COG5: variants seen among roughly 807,000 people sequenced by gnomAD.
COG5 encodes component of oligomeric golgi complex 5.
COG5 carries 86 observed loss-of-function variants against 110.4 expected under a neutral mutation model. The ratio of observed to expected loss-of-function variants is 0.78; its 90% CI spans 0.65 to 0.93. COG5 has a LOEUF of 0.93. COG5 is among the 40% of genes least tolerant of loss of function. The pLI, the probability that COG5 is intolerant of heterozygous loss-of-function variation, is 0.00. For missense variants in COG5, 1,077 were observed against 987.0 expected (o/e 1.09, Z -1.22); for synonymous variants, 360 against 334.6 (o/e 1.08, Z -0.83).
In COG5 at chr7:107,292,909, A is replaced by G. The variant is rs149938257; in HGVS notation, c.1313+5233T>C. ...CATGTAGACATACAGCTTAGAAGGT[A>G]TATGAGCTCTGGAAAACTTTGTAAT... On this transcript the variant is annotated intron_variant, in intron 12 of 21. Coordinates refer to ENST00000297135, the MANE Select transcript of COG5 (RefSeq NM_006348.5). Among the ~76,000 whole-genome samples the G allele has an allele frequency of 1.8e-3, 279 of 152,320 alleles. 1 individual carries two copies. The highest frequency in any genetic ancestry group is 6.1e-3 in the African/African-American group (253 of 41,568).
intron 17 of COG5, among the ~76,000 whole-genome samples, chr7:107,241,483 C>T (rs1160169025): frequency 6.7e-6 from 1 of 150,244 alleles, no homozygotes; most frequent in Non-Finnish European, 1.5e-5. Context: ...TACAGAGTCT[C>T]ACTCTATCGC....
chr7:107,239,996 T>G (rs1187942891), intron 17 of COG5, among the ~76,000 whole-genome samples: 2 of 152,210 alleles, frequency 1.3e-5, no homozygotes, highest in Non-Finnish European at 2.9e-5. Flanking sequence ...ATCTATCACT[T>G]TAATAATGTA....
intron 6 of COG5, among the ~76,000 whole-genome samples, chr7:107,508,266 A>G (rs200591886): frequency 6.6e-6 from 1 of 152,158 alleles, no homozygotes; most frequent in South Asian, 2.1e-4. Flanking sequence ...CTATGCCCAC[A>G]GAGTCTCGCT....
intron 6 of COG5, among the ~76,000 whole-genome samples, chr7:107,433,100 G>T (rs913482139): frequency 2.0e-5 from 3 of 152,066 alleles, no homozygotes; most frequent in African/African-American, 4.8e-5. Flanking sequence ...ATCAAAAAGA[G>T]TAAGACACTT....
In COG5 at chr7:107,274,353, T is replaced by C. The variant is rs143255807; in HGVS notation, c.1575+6947A>G. 1.2e-3 allele frequency among the ~76,000 whole-genome samples: 177 copies of C among 152,294 alleles called. 2 individuals are homozygous for C. The highest frequency in any genetic ancestry group is 4.0e-3 in the African/African-American group (168 of 41,564). On this transcript the variant is annotated intron_variant, in intron 14 of 21. Coordinates refer to ENST00000297135, the MANE Select transcript of COG5 (RefSeq NM_006348.5). ...AAAGTTCATGAGCTCTCTTTTTTCA[T>C]TGTTGCATACTCTCAATTTGGCTTT...
At chr7:107,423,345 A>T (rs1055228364) in intron 6 of COG5, among the ~76,000 whole-genome samples, 1 of 152,240 alleles carries the variant, frequency 6.6e-6, no homozygotes, top group Non-Finnish European at 1.5e-5. Flanking sequence ...TCACAGACAT[A>T]TCATCGTGGA....
rs1412120315 is a variant in COG5, at chr7:107,294,198, TATTA to T, written c.1313+3940_1313+3943del. Reference sequence around the variant, plus strand: ...CAATTCACCAGTTTCAAAAGAAAAATATTAATTAAATACAATGCTTTGAAAAAAT... The same window carrying T: ...CAATTCACCAGTTTCAAAAGAAAAATATTAAATACAATGCTTTGAAAAAAT... On this transcript the variant is annotated intron_variant, in intron 12 of 21. Coordinates refer to ENST00000297135, the MANE Select transcript of COG5 (RefSeq NM_006348.5). Among the ~76,000 whole-genome samples the T allele has an allele frequency of 2.6e-5, 4 of 152,212 alleles. No individual in the cohort carries two copies. In the East Asian group the frequency reaches 5.8e-4, roughly 22 times the overall value.
Position 107,543,337 on chromosome 7 carries a change from G to A in COG5, c.417+4774C>T, listed in dbSNP as rs546778545. Among the ~76,000 whole-genome samples, 4 of 152,316 alleles carry A rather than the reference G, an allele frequency of 2.6e-5. No individual in the cohort carries two copies. In the South Asian group the frequency reaches 8.3e-4, roughly 32 times the overall value. On this transcript the variant is annotated intron_variant, in intron 5 of 21. Transcript: ENST00000297135. The stretch of plus-strand genomic sequence containing the variant: ...AGCAAGGAGACAGATGCTCGTTGAG[G>A]AGAGAAAAGAGAAGGAATTGAGCAC...
At chr7:107,441,255 C>CAAAAAAAA in intron 6 of COG5, among the ~76,000 whole-genome samples, 1 of 71,334 alleles carries the variant, frequency 1.4e-5, no homozygotes, top group Non-Finnish European at 2.6e-5. Context: ...GACTCCGTCT[C>CAAAAAAAA]AAAAAAAAAA....
chr7:107,274,638 C>T (rs1001693964), intron 14 of COG5, among the ~76,000 whole-genome samples: 4 of 152,132 alleles, frequency 2.6e-5, no homozygotes, highest in Admixed American at 6.6e-5. Context: ...ACCCAGCCAA[C>T]CTCAGAAAAG....
intron 19 of COG5, among the ~76,000 whole-genome samples, chr7:107,213,140 C>T (rs1318064603): frequency 6.6e-6 from 1 of 151,948 alleles, no homozygotes; most frequent in Non-Finnish European, 1.5e-5. Flanking sequence ...GAGAGATCAG[C>T]TAATGATCTA....
chr7:107,262,652 T>C (rs1803448817), intron 14 of COG5, among the ~76,000 whole-genome samples: 1 of 152,166 alleles, frequency 6.6e-6, no homozygotes, highest in South Asian at 2.1e-4. Context: ...ATCCCATTCA[T>C]GCTCCTAAGC....
At chr7:107,493,222 A>G (rs567383567) in intron 6 of COG5, among the ~76,000 whole-genome samples, 14 of 152,252 alleles carry the variant, frequency 9.2e-5, no homozygotes, top group East Asian at 7.7e-4. Context: ...AATGGCAACA[A>G]CTTGTTCTTG....
Position 107,548,113 on chromosome 7 carries a change from GA to G in COG5, c.414del (p.Gln139ArgfsTer14). On this transcript the variant is annotated frameshift_variant, in exon 5 of 22. Transcript: ENST00000297135. LOFTEE classifies it high-confidence loss of function. ...IVARTAQLAR[L>X]QVACDLLRRI... ...AAGAAATAAAAGTAAGAAACTACCT[GA>G]AGTCTTGCTAGTTGTGCAGTCCGGG... 3 of 1,612,208 alleles carry G rather than the reference GA, an allele frequency of 1.9e-6. No individual in the cohort carries two copies. The highest frequency in any genetic ancestry group is 2.5e-6 in the Non-Finnish European group (3 of 1,178,458).
chr7:107,323,680 T>C (rs940256195), intron 11 of COG5, among the ~76,000 whole-genome samples: 1 of 152,154 alleles, frequency 6.6e-6, no homozygotes, highest in Non-Finnish European at 1.5e-5. Context: ...TAGAAATAAG[T>C]AGAGAGACAA....
intron 6 of COG5, among the ~76,000 whole-genome samples, chr7:107,429,782 A>T (rs569544999): frequency 8.5e-5 from 13 of 152,268 alleles, no homozygotes; most frequent in Admixed American, 6.5e-5. Context: ...GTTTCCCTGC[A>T]CAAGTTCTCT....
chr7:107,454,429 C>A (rs1238246606), intron 6 of COG5, among the ~76,000 whole-genome samples: 1 of 152,076 alleles, frequency 6.6e-6, no homozygotes, highest in African/African-American at 2.4e-5. Flanking sequence ...AATAATAGAA[C>A]AAATTGTTGT....
chr7:107,244,897 A>G (rs1801934441), intron 17 of COG5, among the ~76,000 whole-genome samples: 1 of 152,222 alleles, frequency 6.6e-6, no homozygotes, highest in Non-Finnish European at 1.5e-5. Flanking sequence ...CCATTCCTAC[A>G]GAAACTATTC....
At chr7:107,489,633 A>ATTGTAACCT (rs1323293952) in intron 6 of COG5, among the ~76,000 whole-genome samples, 3 of 152,226 alleles carry the variant, frequency 2.0e-5, no homozygotes, top group Non-Finnish European at 4.4e-5. Context: ...GAAAACTCAC[A>ATTGTAACCT]TTGTAACCTC....
Sources: allele counts gnomAD v4.1 joint callset (sites outside exome capture counted in the v4.1 genomes callset), GRCh38; gene constraint gnomAD v4.1.1; transcripts MANE v1.5; gene names NCBI Gene and HGNC (gene_info 2026-07-23, HGNC 2026-07-21).